DHDDS: variants seen among roughly 807,000 people sequenced by gnomAD.
DHDDS encodes the protein dehydrodolichyl diphosphate synthase subunit.
A neutral mutation model predicts 46.2 loss-of-function variants in DHDDS; 16 were observed. That is an observed-to-expected ratio of 0.35 (90% CI 0.23 to 0.53). The LOEUF (loss-of-function observed/expected upper bound fraction) is 0.53. Ranked by LOEUF, DHDDS falls within the 20% of genes least tolerant of loss-of-function variation. The pLI, the probability that DHDDS is intolerant of heterozygous loss-of-function variation, is 0.94. For synonymous variants in DHDDS, 151 were observed against 163.1 expected (o/e 0.93, Z 0.56); for missense variants, 340 against 423.7 (o/e 0.80, Z 1.73).
At chr1:26,448,997 T>C (rs1323336422) in intron 6 of DHDDS, among the ~76,000 whole-genome samples, 1 of 152,242 alleles carries the variant, frequency 6.6e-6, no homozygotes, top group African/African-American at 2.4e-5. Context: ...TTTGAGGCTA[T>C]TTTATGAATG....
chr1:26,443,014 T>A, intron 4 of DHDDS, 141 bp downstream of exon 4: 1 of 1,410,128 alleles, frequency 7.1e-7, no homozygotes, highest in Non-Finnish European at 9.6e-7. Context: ...GTGGCAAATA[T>A]CAGAAATACA....
rs1224377229 is a variant in DHDDS at position 26,461,383 on chromosome 1, C to A, written c.765+1239C>A. Among the ~76,000 whole-genome samples, 4 of 136,482 alleles carry A rather than the reference C, an allele frequency of 2.9e-5. No individual in the cohort carries two copies. The South Asian group carries it at 7.0e-4, about 24-fold the overall frequency. 89.5% of individuals were successfully genotyped at this position (136,482 alleles called of 152,430 possible). A position where few individuals can be genotyped will look rare whatever the true frequency, so the allele number is the denominator to read the frequency against. On this transcript the variant is annotated intron_variant, in intron 8 of 8. Coordinates refer to ENST00000236342, the MANE Select transcript of DHDDS (RefSeq NM_205861.3). Reference sequence around the variant, plus strand: ...ACTTATCATGGAAACACATAGAATACTTTTTTTTTTTTTTTTTTTGAGACG... The same window carrying A: ...ACTTATCATGGAAACACATAGAATAATTTTTTTTTTTTTTTTTTTGAGACG...
At chr1:26,448,229 C>T (rs2075288587) in intron 6 of DHDDS, 1 of 144,724 alleles carries the variant, frequency 6.9e-6, no homozygotes, top group Non-Finnish European at 1.5e-5. Flanking sequence ...CAAAGTCTCA[C>T]TCTGTTGCCC....
rs1325644117 is a variant in DHDDS at position 26,447,554 on chromosome 1, C to T, written c.441-5C>T. Reference sequence around the variant, plus strand: ...TGGTAAATTATTCTCTTCTTCCCTCCTCAGGTGTTTCCTGAATGTCTGTTT... The same window carrying T: ...TGGTAAATTATTCTCTTCTTCCCTCTTCAGGTGTTTCCTGAATGTCTGTTT... On this transcript the variant is annotated splice_region_variant and splice_polypyrimidine_tract_variant and intron_variant, in intron 5 of 8. Coordinates refer to ENST00000236342, the MANE Select transcript of DHDDS (RefSeq NM_205861.3). 1.9e-6 allele frequency: 3 copies of T among 1,610,282 alleles called. No individual in the cohort carries two copies. The South Asian group carries it at 3.3e-5, about 18-fold the overall frequency.
At chr1:26,460,546 T>C (rs2075412217) in intron 8 of DHDDS, among the ~76,000 whole-genome samples, 1 of 152,248 alleles carries the variant, frequency 6.6e-6, no homozygotes. Flanking sequence ...TAAAAGATCG[T>C]AGCAGTAGGG....
intron 2 of DHDDS, among the ~76,000 whole-genome samples, chr1:26,435,430 CTTTTTTTT>C (rs35735570): frequency 1.6e-5 from 1 of 62,486 alleles, no homozygotes; most frequent in Non-Finnish European, 2.7e-5. Flanking sequence ...GAATTAGTGC[CTTTTTTTT>C]TTTTTTTTTT....
At chr1:26,435,866 G>A (rs1344093393) in intron 2 of DHDDS, among the ~76,000 whole-genome samples, 3 of 151,912 alleles carry the variant, frequency 2.0e-5, no homozygotes, top group Non-Finnish European at 4.4e-5. Flanking sequence ...GCCCGCCTTC[G>A]CCTCCCAAAG....
intron 4 of DHDDS, among the ~76,000 whole-genome samples, chr1:26,444,786 TA>T (rs1168957376): frequency 6.6e-6 from 1 of 152,058 alleles, no homozygotes; most frequent in Non-Finnish European, 1.5e-5. Context: ...ATTAAAATTT[TA>T]AAAAACAGAA....
chr1:26,460,294 G>T (rs1033238310), intron 8 of DHDDS, 150 bp downstream of exon 8: 17 of 718,274 alleles, frequency 2.4e-5, no homozygotes, highest in African/African-American at 2.3e-4. Flanking sequence ...TCTACTACTT[G>T]TCAGGCACTG....
At chr1:26,444,785 TTAAAA>T (rs1190956475) in intron 4 of DHDDS, among the ~76,000 whole-genome samples, 2 of 152,054 alleles carry the variant, frequency 1.3e-5, no homozygotes, top group African/African-American at 4.8e-5. Flanking sequence ...AATTAAAATT[TTAAAA>T]AACAGAAGAC....
At chr1:26,459,900 AC>A in intron 7 of DHDDS, 136 bp from the exon 8 acceptor site, 1 of 747,668 alleles carries the variant, frequency 1.3e-6, no homozygotes, top group South Asian at 1.5e-5. Context: ...AGCTGCAGCT[AC>A]AGCTCAGGAT....
intron 2 of DHDDS, 122 bp downstream of exon 2, chr1:26,433,130 G>A (rs1172316457): frequency 5.8e-6 from 6 of 1,038,906 alleles, no homozygotes; most frequent in Non-Finnish European, 8.9e-6. Flanking sequence ...ATTTAGCAAG[G>A]AAACCAAAGA....
At chr1:26,466,182 A>G (rs2075484038) in intron 8 of DHDDS, 1 of 152,168 alleles carries the variant, frequency 6.6e-6, no homozygotes. Flanking sequence ...TCTCTAAGGA[A>G]AGAATTAACG....
chr1:26,438,360 T>A (rs999595021), intron 3 of DHDDS, 76 bp downstream of exon 3: 12 of 1,332,532 alleles, frequency 9.0e-6, no homozygotes, highest in Non-Finnish European at 1.3e-5. Context: ...AGGCTCTGAG[T>A]TTGCTGTGGT....
rs1352259309 is a variant in DHDDS at position 26,432,345 on chromosome 1, G to A, written c.-87G>A. 6.5e-6 allele frequency: 1 copy of A among 153,274 alleles called. No individual in the cohort carries two copies. Among genetic ancestry groups the A allele is most frequent in the Non-Finnish European group, 1.5e-5 (1 of 68,644 alleles). 9.5% of individuals were successfully genotyped at this position (153,274 alleles called of 1,614,324 possible). A position where few individuals can be genotyped will look rare whatever the true frequency, so the allele number is the denominator to read the frequency against. On this transcript the variant is annotated 5_prime_UTR_variant, in exon 1 of 9. Transcript: ENST00000236342. ...CATGAGGAAGTGCCGGCCCACTGAA[G>A]CCGTGGGGACGCGCCCAGCGGAGCT...
Position 26,469,330 on chromosome 1 carries a change from G to A in DHDDS, c.*199G>A. On this transcript the variant is annotated 3_prime_UTR_variant, in exon 9 of 9. Coordinates refer to ENST00000236342, the MANE Select transcript of DHDDS (RefSeq NM_205861.3). ...GACAGGCTCCTGAGGAGGATTGAGGGTGAAAGTCTCCCACGAGTACACTAA... is the reference window on the plus strand; with the variant it reads ...GACAGGCTCCTGAGGAGGATTGAGGATGAAAGTCTCCCACGAGTACACTAA... 1.0e-6 allele frequency: 1 copy of A among 985,276 alleles called. No individual in the cohort carries two copies. Among genetic ancestry groups the A allele is most frequent in the Non-Finnish European group, 1.5e-6 (1 of 665,710 alleles). The allele number at this position is 985,276 out of a possible 1,614,324, so 61.0% of individuals were successfully genotyped here.
chr1:26,435,171 G>A (rs1424761759), intron 2 of DHDDS, among the ~76,000 whole-genome samples: 1 of 150,808 alleles, frequency 6.6e-6, no homozygotes, highest in African/African-American at 2.4e-5. Context: ...CACCACGCCC[G>A]GCTAATTTTT....
chr1:26,456,624 C>A (rs2075372530), intron 6 of DHDDS, among the ~76,000 whole-genome samples: 1 of 152,134 alleles, frequency 6.6e-6, no homozygotes, highest in African/African-American at 2.4e-5. Flanking sequence ...AACTCCTGAT[C>A]GCAGGTGATC....
intron 6 of DHDDS, among the ~76,000 whole-genome samples, chr1:26,452,839 CTGT>C (rs2075334289): frequency 6.6e-6 from 1 of 152,144 alleles, no homozygotes; most frequent in South Asian, 2.1e-4. Context: ...TGACTTATGC[CTGT>C]AATCCCAGGA....
Sources: gnomAD v4.1 joint callset for allele counts (sites outside exome capture counted in the v4.1 genomes callset) on GRCh38, gnomAD v4.1.1 for gene constraint, MANE v1.5 for transcripts, NCBI Gene and HGNC (gene_info 2026-07-23, HGNC 2026-07-21) for gene names.